The following SORD variants were observed in gnomAD, a reference collection of about 807,000 sequenced individuals.
SORD encodes (R,R)-butanediol dehydrogenase.
Under a neutral mutation model 35.6 loss-of-function variants are expected in SORD, and 18 were observed. That is an observed-to-expected ratio of 0.51 (90% CI 0.35 to 0.75). SORD has a LOEUF of 0.75. Ranked by LOEUF, SORD falls within the 30% of genes least tolerant of loss-of-function variation. The probability of loss-of-function intolerance (pLI) is 0.01; values close to 1 mark genes in which losing one functional copy is unlikely to be tolerated. For synonymous variants in SORD, 106 were observed against 152.9 expected, an observed-to-expected ratio of 0.69 and a Z score of 2.26; for missense variants, 250 against 390.2, an observed-to-expected ratio of 0.64 and a Z score of 3.03.
intron 2 of SORD, chr15:45,041,763 TA>T (rs764524188): frequency 2.0e-5 from 3 of 152,186 alleles, no homozygotes; most frequent in Non-Finnish European, 4.4e-5. Flanking sequence ...TGGCTCCTGG[TA>T]ACAGCTTTTC....
intron 8 of SORD, among the ~76,000 whole-genome samples, chr15:45,073,050 C>T (rs1171911034): frequency 1.5e-5 from 2 of 134,194 alleles, no homozygotes; most frequent in Non-Finnish European, 3.0e-5. Flanking sequence ...CGGGCTGCCT[C>T]CCCACGGCTT....
At chr15:45,047,887 C>T (rs1473881882) in intron 3 of SORD, among the ~76,000 whole-genome samples, 4 of 152,208 alleles carry the variant, frequency 2.6e-5, no homozygotes, top group Non-Finnish European at 5.9e-5. Flanking sequence ...GTCTCTGATT[C>T]GCTGGTATGG....
At position 45,068,448 on chromosome 15, in the gene SORD, A is replaced by T. The variant is rs201926639; in HGVS notation, c.610+202A>T. 6.9e-3 allele frequency among the ~76,000 whole-genome samples: 800 copies of T among 116,120 alleles called. 6 individuals are homozygous for T. The highest frequency in any genetic ancestry group is 0.013 in the South Asian group (50 of 3,828). The allele number at this position is 116,120 out of a possible 152,430, so 76.2% of individuals were successfully genotyped here. On this transcript the variant is annotated intron_variant, in intron 6 of 8. Coordinates refer to ENST00000267814, the MANE Select transcript of SORD (RefSeq NM_003104.6). ...GAGAGAGAGAGAGTTTGTGTGAGAG[A>T]GTGTGTGTGTGTGTGTCTGTGTGTA...
Position 45,061,047 on chromosome 15 carries a change from A to C in SORD, c.266-20A>C, listed in dbSNP as rs181326554. The C allele has an allele frequency of 6.2e-7, 1 of 1,613,940 alleles. No homozygotes were observed. Reference sequence around the variant, plus strand: ...TGCTCCCACCCTCGGACATGGTGCCATCTTTGTTTTCCTCTCCAGGTGATC... The same window carrying C: ...TGCTCCCACCCTCGGACATGGTGCCCTCTTTGTTTTCCTCTCCAGGTGATC... On this transcript the variant is annotated intron_variant, in intron 3 of 8. Transcript: ENST00000267814.
At chr15:45,048,516 C>T (rs1443956873) in intron 3 of SORD, among the ~76,000 whole-genome samples, 2 of 152,044 alleles carry the variant, frequency 1.3e-5, no homozygotes, top group East Asian at 3.9e-4. Context: ...TGAGACTAGC[C>T]TGGGGATTTG....
At chr15:45,071,036 C>G (rs551905415) in intron 7 of SORD, among the ~76,000 whole-genome samples, 2 of 152,334 alleles carry the variant, frequency 1.3e-5, no homozygotes, top group East Asian at 3.9e-4. Context: ...GTGGCTGGAC[C>G]AAATATGGAC....
At chr15:45,062,053 G>A (rs1434341376) in intron 4 of SORD, among the ~76,000 whole-genome samples, 4 of 152,082 alleles carry the variant, frequency 2.6e-5, no homozygotes, top group African/African-American at 7.2e-5. Flanking sequence ...TCATTTAATC[G>A]CCAAAATATT....
At chr15:45,038,877 C>T (rs1225146342) in intron 1 of SORD, among the ~76,000 whole-genome samples, 1 of 152,160 alleles carries the variant, frequency 6.6e-6, no homozygotes, top group South Asian at 2.1e-4. Flanking sequence ...TGGGGCCCAG[C>T]TCTGACATTC....
intron 3 of SORD, among the ~76,000 whole-genome samples, chr15:45,054,963 T>C (rs1254707738): frequency 4.6e-5 from 7 of 150,568 alleles, no homozygotes; most frequent in East Asian, 1.9e-4. Flanking sequence ...TGTAGATATG[T>C]GGCATTATTT....
In SORD at chr15:45,033,116, C is replaced by A. The variant is rs1317037116; in HGVS notation, c.67-7292C>A. Among the ~76,000 whole-genome samples, 21 of 151,182 alleles carry A rather than the reference C, an allele frequency of 1.4e-4. No individual in the cohort carries two copies. The East Asian group carries it at 3.9e-3, about 28-fold the overall frequency. On this transcript the variant is annotated intron_variant, in intron 1 of 8. Transcript: ENST00000267814. ...AGCCTAAAAACTGCTAGAATCCCTT[C>A]ACTTTCTTCCAAATGCCAGCCTTGT...
chr15:45,029,710 G>C (rs1365258553), intron 1 of SORD, among the ~76,000 whole-genome samples: 1 of 152,262 alleles, frequency 6.6e-6, no homozygotes, highest in African/African-American at 2.4e-5. Flanking sequence ...CTTGTCCAGT[G>C]TCCAAGAAGA....
chr15:45,048,117 G>T (rs1364919966), intron 3 of SORD, among the ~76,000 whole-genome samples: 2 of 152,100 alleles, frequency 1.3e-5, no homozygotes, highest in Non-Finnish European at 2.9e-5. Flanking sequence ...ATAACTATTT[G>T]TCCTCAATTA....
chr15:45,030,025 G>A (rs1036217571), intron 1 of SORD, among the ~76,000 whole-genome samples: 21 of 152,248 alleles, frequency 1.4e-4, no homozygotes, highest in Non-Finnish European at 2.6e-4. Context: ...GAAAGGTTAG[G>A]TATATGTAAA....
Position 45,023,292 on chromosome 15 carries a change from G to A in SORD, c.9G>A (p.Ala3=). The A allele has an allele frequency of 1.3e-6, 2 of 1,585,202 alleles. No individual in the cohort carries two copies. The highest frequency in any genetic ancestry group is 1.7e-6 in the Non-Finnish European group (2 of 1,167,530). The part of the protein sequence containing the change: MA[A]AAKPNNLSLV... ...AGAGCCAAAAGAGCTCCATGGCGGC[G>A]GCGGCCAAGCCCAACAACCTTTCCC... The change falls in exon 1 of 9, where the codon GCG becomes GCA. Residue 3 remains alanine, a synonymous_variant. Coordinates refer to ENST00000267814, the MANE Select transcript of SORD (RefSeq NM_003104.6).
intron 3 of SORD, among the ~76,000 whole-genome samples, chr15:45,057,024 A>G (rs1893229139): frequency 6.6e-6 from 1 of 152,236 alleles, no homozygotes. Context: ...GTGTTCCTTT[A>G]GACAGTCGTA....
rs115521042 is a variant in SORD at position 45,051,521 on chromosome 15, A to C, written c.265+8100A>C. Among the ~76,000 whole-genome samples the C allele has an allele frequency of 9.6e-3, 1,462 of 152,338 alleles. 33 individuals carry two copies. Among genetic ancestry groups the C allele is most frequent in the African/African-American group, 0.034 (1,393 of 41,568 alleles). ...CGGTTCAAAGCACTTGATATTATGA[A>C]GTACAATTACGGATTACTATAAACT... On this transcript the variant is annotated intron_variant, in intron 3 of 8. Transcript: ENST00000267814.
At chr15:45,066,511 G>A (rs141633337) in intron 5 of SORD, among the ~76,000 whole-genome samples, 5 of 152,090 alleles carry the variant, frequency 3.3e-5, no homozygotes, top group South Asian at 2.1e-4. Flanking sequence ...CCCTGCTCCC[G>A]GCCAGTGGGA....
chr15:45,035,169 C>T (rs765192317), intron 1 of SORD, among the ~76,000 whole-genome samples: 2 of 152,200 alleles, frequency 1.3e-5, no homozygotes, highest in Non-Finnish European at 2.9e-5. Context: ...GTGCCGCCCC[C>T]TGCTGCACGG....
intron 1 of SORD, among the ~76,000 whole-genome samples, chr15:45,039,660 G>A (rs1892934382): frequency 6.6e-6 from 1 of 152,210 alleles, no homozygotes; most frequent in African/African-American, 2.4e-5. Context: ...CAGGTCTTAT[G>A]TGTTCCCAAG....
Sources: gnomAD v4.1 joint callset for allele counts (sites outside exome capture counted in the v4.1 genomes callset) on GRCh38, gnomAD v4.1.1 for gene constraint, MANE v1.5 for transcripts, NCBI Gene and HGNC (gene_info 2026-07-23, HGNC 2026-07-21) for gene names.